Variants in TUBA4B observed in about 807,000 individuals in gnomAD.
TUBA4B encodes tubulin alpha 4b.
TUBA4B carries 13 observed loss-of-function variants against 18.4 expected under a neutral mutation model. That is an observed-to-expected ratio of 0.71 (90% confidence interval 0.46 to 1.12). The LOEUF is 1.12. Among genes scored for constraint, TUBA4B ranks in the 50% most tolerant of loss-of-function variants. The pLI, the probability that TUBA4B is intolerant of heterozygous loss-of-function variation, is 0.00. For missense variants in TUBA4B, 244 were observed against 250.0 expected, an observed-to-expected ratio of 0.98 and a Z score of 0.16; for synonymous variants, 101 against 99.1, an observed-to-expected ratio of 1.02 and a Z score of -0.11.
chr2:219,266,220 C>T (rs982927462), intron 1 of TUBA4B: 2 of 367,588 alleles, frequency 5.4e-6, no homozygotes, highest in Non-Finnish European at 5.0e-6. Context: ...CTGTGAAGTG[C>T]AGGCTGTGCC....
intron 3 of TUBA4B, 68 bp from the exon 4 acceptor site, chr2:219,271,098 A>T: frequency 3.1e-6 from 2 of 638,336 alleles, no homozygotes; most frequent in South Asian, 3.8e-5. Flanking sequence ...AAAACAGCAC[A>T]AGTTGGTTCT....
At chr2:219,256,908 TA>T (rs1468648970) in intron 1 of TUBA4B, among the ~76,000 whole-genome samples, 2 of 151,976 alleles carry the variant, frequency 1.3e-5, no homozygotes, top group African/African-American at 4.8e-5. Flanking sequence ...TGAAGAGGGA[TA>T]GGGGCCATGA....
At chr2:219,257,340 C>CTTTTT (rs768367065) in intron 1 of TUBA4B, among the ~76,000 whole-genome samples, 18 of 92,630 alleles carry the variant, frequency 1.9e-4, no homozygotes, top group Non-Finnish European at 2.7e-4. Context: ...TGCGCCCAGC[C>CTTTTT]TTTTTTTTTT....
chr2:219,257,995 T>G (rs1156316280), intron 1 of TUBA4B, among the ~76,000 whole-genome samples: 2 of 144,888 alleles, frequency 1.4e-5, no homozygotes, highest in Admixed American at 6.8e-5. Context: ...TTTTTTTTTT[T>G]TTTTTTTTTT....
chr2:219,253,958 G>C, intron 1 of TUBA4B: 3 of 1,165,232 alleles, frequency 2.6e-6, no homozygotes, highest in South Asian at 2.4e-5. Flanking sequence ...GGCGGGGGGG[G>C]GGCGGGGCCC....
At chr2:219,268,940 T>C (rs1359147722) in intron 2 of TUBA4B, among the ~76,000 whole-genome samples, 1 of 151,796 alleles carries the variant, frequency 6.6e-6, no homozygotes, top group Non-Finnish European at 1.5e-5. Context: ...ACAAAAAAAT[T>C]TAAAACTTAG....
In TUBA4B at chr2:219,253,372, G is replaced by C; in HGVS notation, c.-36G>C. On this transcript the variant is annotated 5_prime_UTR_variant, in exon 1 of 4. Transcript: ENST00000490341. ...TGAGTCACGGGGGGGGGGTGGTTCT[G>C]TGGATAGTTGGAATGCATACACAGA... The C allele has an allele frequency of 6.5e-7, 1 of 1,534,500 alleles. No homozygotes were observed. The highest frequency in any genetic ancestry group is 8.7e-7 in the Non-Finnish European group (1 of 1,146,470).
intron 1 of TUBA4B, among the ~76,000 whole-genome samples, chr2:219,256,956 G>A (rs1951723832): frequency 6.6e-6 from 1 of 151,692 alleles, no homozygotes. Context: ...AGATGGAAAA[G>A]TCGAGGAATA....
Position 219,255,338 on chromosome 2 carries a change from T to C in TUBA4B, c.12+1919T>C, listed in dbSNP as rs576855709. The stretch of plus-strand genomic sequence containing the variant: ...ACCTCAACACCTGCCTCGCGGGTTC[T>C]AGCGATTCTCCTGCCTCAGCCTCTG... On this transcript the variant is annotated intron_variant, in intron 1 of 3. Coordinates refer to ENST00000490341, the MANE Select transcript of TUBA4B (RefSeq NM_001355221.1). Among the ~76,000 whole-genome samples the C allele has an allele frequency of 2.0e-5, 3 of 152,308 alleles. No individual in the cohort carries two copies. In the East Asian group the frequency reaches 5.8e-4, roughly 29 times the overall value.
At chr2:219,271,106 TC>T (rs1298631363) in intron 3 of TUBA4B, 59 bp from the exon 4 acceptor site, 3 of 652,126 alleles carry the variant, frequency 4.6e-6, no homozygotes, top group Non-Finnish European at 8.2e-6. Flanking sequence ...ACAAGTTGGT[TC>T]TTTCCTGTCC....
In TUBA4B at chr2:219,265,120, G is replaced by A. The variant is rs192117570; in HGVS notation, c.13-1401G>A. ...GACTGGGAGGAAGGAGATAAAGACCGAGGAGGGGCTGCTGTGCACACTCTG... is the reference window on the plus strand; with the variant it reads ...GACTGGGAGGAAGGAGATAAAGACCAAGGAGGGGCTGCTGTGCACACTCTG... On this transcript the variant is annotated intron_variant, in intron 1 of 3. Transcript: ENST00000490341. Among the ~76,000 whole-genome samples, 795 of 152,306 alleles carry A rather than the reference G, an allele frequency of 5.2e-3. 6 individuals carry two copies. The highest frequency in any genetic ancestry group is 0.017 in the African/African-American group (706 of 41,550).
intron 2 of TUBA4B, among the ~76,000 whole-genome samples, chr2:219,267,563 G>A (rs1046279281): frequency 1.3e-5 from 2 of 151,834 alleles, no homozygotes; most frequent in African/African-American, 4.8e-5. Flanking sequence ...TGACTCCAGA[G>A]GCTGAGTTCT....
chr2:219,256,231 A>C (rs1346152328), intron 1 of TUBA4B, among the ~76,000 whole-genome samples: 1 of 152,260 alleles, frequency 6.6e-6, no homozygotes, highest in East Asian at 1.9e-4. Flanking sequence ...CAGATTGTGA[A>C]TATCAGATGA....
chr2:219,253,960 G>T, intron 1 of TUBA4B: 2 of 1,095,626 alleles, frequency 1.8e-6, no homozygotes, highest in Non-Finnish European at 2.4e-6. Context: ...CGGGGGGGGG[G>T]CGGGGCCCGC....
intron 1 of TUBA4B, among the ~76,000 whole-genome samples, chr2:219,256,891 T>C (rs1436993724): frequency 6.6e-6 from 1 of 152,068 alleles, no homozygotes; most frequent in Non-Finnish European, 1.5e-5. Flanking sequence ...GATGTGATTG[T>C]TGGCTTTGAA....
intron 2 of TUBA4B, 138 bp from the exon 3 acceptor site, chr2:219,270,064 A>G (rs572036675): frequency 6.5e-6 from 4 of 616,672 alleles, no homozygotes; most frequent in South Asian, 5.6e-5. Flanking sequence ...ACATCCAAGC[A>G]GGTAATAGCA....
At position 219,270,233 on chromosome 2, in the gene TUBA4B, GCT is replaced by G; in HGVS notation, c.92_93del (p.Leu31HisfsTer10). 1 of 766,896 alleles carries G rather than the reference GCT, an allele frequency of 1.3e-6. No homozygotes were observed. The highest frequency in any genetic ancestry group is 1.4e-5 in the South Asian group (1 of 72,954). 47.5% of individuals were successfully genotyped at this position (766,896 alleles called of 1,614,324 possible). Reference protein sequence around the residue: ...TYRQIFHPEQLITGKEDAANN... With the variant: ...TYRQIFHPEQXITGKEDAANN... ...ACCGCCAGATCTTCCATCCAGAGCA[GCT>G]CATCACAGGCAAGGAAGATGCTGCC... is the stretch of plus-strand genomic sequence containing the variant. On this transcript the variant is annotated frameshift_variant, in exon 3 of 4. Coordinates refer to ENST00000490341, the MANE Select transcript of TUBA4B (RefSeq NM_001355221.1). LOFTEE classifies it high-confidence loss of function.
In TUBA4B at chr2:219,253,357, G is replaced by C. The variant is rs902174506; in HGVS notation, c.-51G>C. The C allele has an allele frequency of 2.6e-5, 39 of 1,515,662 alleles. No homozygotes were observed. The highest frequency in any genetic ancestry group is 1.5e-4 in the East Asian group (6 of 40,824). The allele number at this position is 1,515,662 out of a possible 1,614,324, so 93.9% of individuals were successfully genotyped here. ...TCAGACGCGGGGTGCTGAGTCACGG[G>C]GGGGGGGTGGTTCTGTGGATAGTTG... On this transcript the variant is annotated 5_prime_UTR_variant, in exon 1 of 4. Coordinates refer to ENST00000490341, the MANE Select transcript of TUBA4B (RefSeq NM_001355221.1).
chr2:219,267,755 A>G (rs575936828), intron 2 of TUBA4B, among the ~76,000 whole-genome samples: 41 of 152,006 alleles, frequency 2.7e-4, no homozygotes, highest in Non-Finnish European at 5.1e-4. Context: ...AGTAGAGACA[A>G]GGTTTCACTA....
Sources: allele counts gnomAD v4.1 joint callset (sites outside exome capture counted in the v4.1 genomes callset), GRCh38; gene constraint gnomAD v4.1.1; transcripts MANE v1.5; gene names NCBI Gene and HGNC (gene_info 2026-07-23, HGNC 2026-07-21).